TTC8: variants seen among roughly 807,000 people sequenced by gnomAD.
The protein encoded by TTC8 is tetratricopeptide repeat domain 8.
A neutral mutation model predicts 72.5 loss-of-function variants in TTC8; 47 were observed. That is an observed-to-expected ratio of 0.65 (90% CI 0.51 to 0.83). The LOEUF (loss-of-function observed/expected upper bound fraction) is 0.83. Among genes scored for constraint, TTC8 ranks in the 40% least tolerant of loss-of-function variants. TTC8 has a pLI of 0.00. For synonymous variants in TTC8, 199 were observed against 221.4 expected, an observed-to-expected ratio of 0.90 and a Z score of 0.90; for missense variants, 611 against 623.2, an observed-to-expected ratio of 0.98 and a Z score of 0.21.
intron 10 of TTC8, among the ~76,000 whole-genome samples, chr14:88,866,382 A>AACACACACACACACACAC (rs10553603): frequency 6.8e-5 from 10 of 146,576 alleles, no homozygotes; most frequent in African/African-American, 2.5e-4. Context: ...GGGAGATTTA[A>AACACACACACACACACAC]ACACACACAC....
In TTC8 at chr14:88,824,676, G is replaced by A. The variant is rs897112412; in HGVS notation, c.-32G>A. 2 of 1,554,356 alleles carry A rather than the reference G, an allele frequency of 1.3e-6. No homozygotes were observed. Among genetic ancestry groups the A allele is most frequent in the East Asian group, 4.7e-5 (2 of 42,668 alleles). On this transcript the variant is annotated 5_prime_UTR_variant, in exon 1 of 15. Transcript: ENST00000380656. ...ACTCCACGCCCACCTCTCTCCTGGA[G>A]CGCTGGGCCTTCGCTGGCCGCACCG...
chr14:88,827,967 T>C (rs1380078955), intron 1 of TTC8, among the ~76,000 whole-genome samples: 2 of 152,176 alleles, frequency 1.3e-5, no homozygotes, highest in African/African-American at 4.8e-5. Flanking sequence ...ATGTATTTGC[T>C]GAATGAGTGC....
chr14:88,872,195 T>C, intron 12 of TTC8, 135 bp from the exon 13 acceptor site: 1 of 1,311,404 alleles, frequency 7.6e-7, no homozygotes. Context: ...TCCACTTACG[T>C]AGAATTCACA....
chr14:88,861,120 A>T, intron 9 of TTC8, 102 bp from the exon 10 acceptor site: 1 of 915,884 alleles, frequency 1.1e-6, no homozygotes, highest in Non-Finnish European at 1.7e-6. Flanking sequence ...TCTTTAATGT[A>T]ATATCTAGGA....
chr14:88,846,326 C>CA (rs540282584), intron 7 of TTC8, among the ~76,000 whole-genome samples: 7 of 148,336 alleles, frequency 4.7e-5, no homozygotes, highest in East Asian at 2.0e-4. Context: ...AACTCTGTCT[C>CA]AAAAAAAAAG....
chr14:88,875,810 A>G lies in TTC8; in HGVS notation c.1431+701A>G, dbSNP rs541006238. On this transcript the variant is annotated intron_variant, in intron 14 of 14. Transcript: ENST00000380656. ...ACACTGTCATTTCTGTATTGAAAATAAAATAAACTGTCATTCATGAGTTGT... is the reference window on the plus strand; with the variant it reads ...ACACTGTCATTTCTGTATTGAAAATGAAATAAACTGTCATTCATGAGTTGT... Among the ~76,000 whole-genome samples, 14 of 152,324 alleles carry G rather than the reference A, an allele frequency of 9.2e-5. No homozygotes were observed. In the South Asian group the frequency reaches 2.5e-3, roughly 27 times the overall value.
At position 88,870,159 on chromosome 14, in the gene TTC8, T is replaced by A; in HGVS notation, c.1010T>A (p.Phe337Tyr). 6.2e-7 allele frequency: 1 copy of A among 1,614,178 alleles called. No individual in the cohort carries two copies. The highest frequency in any genetic ancestry group is 8.5e-7 in the Non-Finnish European group (1 of 1,179,996). ...ATCGCATGCATTGGAAGCAACCACT[T>A]CTATTCTGATCAGCCAGAAATAGCT... Reference protein sequence around the residue: ...EAIACIGSNHFYSDQPEIALR... With the variant: ...EAIACIGSNHYYSDQPEIALR... Residue 337 changes from phenylalanine to tyrosine, a missense_variant, in exon 11 of 15, where the codon TTC (phenylalanine) becomes TAC (tyrosine). Physicochemically the swap from Phe to Tyr is conservative, Grantham distance 22. Coordinates refer to ENST00000380656, the MANE Select transcript of TTC8 (RefSeq NM_144596.4).
chr14:88,861,997 C>T (rs944090421), intron 10 of TTC8, among the ~76,000 whole-genome samples: 2 of 152,102 alleles, frequency 1.3e-5, no homozygotes, highest in Admixed American at 6.6e-5. Context: ...ATATATTCAG[C>T]AGTGGGATTG....
chr14:88,876,810 C>T (rs1235137707), intron 14 of TTC8, among the ~76,000 whole-genome samples: 1 of 152,082 alleles, frequency 6.6e-6, no homozygotes, highest in South Asian at 2.1e-4. Flanking sequence ...TTAAATACAG[C>T]AGTTTTTGCT....
Position 88,870,171 on chromosome 14 carries a change from A to G in TTC8, c.1022A>G (p.Gln341Arg), listed in dbSNP as rs2094927980. The part of the protein sequence containing the change: ...CIGSNHFYSD[Q>R]PEIALRFYRR... The stretch of plus-strand genomic sequence containing the variant: ...GGAAGCAACCACTTCTATTCTGATC[A>G]GCCAGAAATAGCTCTCCGGTTTTAC... Residue 341 changes from glutamine (Q) to arginine (R), a missense_variant, in exon 11 of 15, where the codon CAG becomes CGG. Transcript: ENST00000380656. The G allele has an allele frequency of 4.3e-6, 7 of 1,614,170 alleles. No homozygotes were observed. Among genetic ancestry groups the G allele is most frequent in the South Asian group, 1.1e-5 (1 of 91,088 alleles).
At chr14:88,874,117 T>TA (rs2094946935) in intron 13 of TTC8, among the ~76,000 whole-genome samples, 1 of 152,222 alleles carries the variant, frequency 6.6e-6, no homozygotes, top group Admixed American at 6.5e-5. Flanking sequence ...CCCATATTGG[T>TA]AATTTTCTTT....
Position 88,870,132 on chromosome 14 carries a change from C to T in TTC8, c.983C>T (p.Ala328Val), listed in dbSNP as rs755533153. Residue 328 changes from alanine (A) to valine (V), a missense_variant, in exon 11 of 15, where the codon GCC becomes GTC. Physicochemically the swap from Ala to Val is moderately conservative, Grantham distance 64. Coordinates refer to ENST00000380656, the MANE Select transcript of TTC8 (RefSeq NM_144596.4). ...VLKQDNTHVEAIACIGSNHFY... is the reference protein window; with the variant it reads ...VLKQDNTHVEVIACIGSNHFY... ...AAACAAGACAATACTCATGTGGAAGCCATCGCATGCATTGGAAGCAACCAC... is the reference window on the plus strand; with the variant it reads ...AAACAAGACAATACTCATGTGGAAGTCATCGCATGCATTGGAAGCAACCAC... 1 of 1,614,004 alleles carries T rather than the reference C, an allele frequency of 6.2e-7. No individual in the cohort carries two copies. Among genetic ancestry groups the T allele is most frequent in the Admixed American group, 1.7e-5 (1 of 60,018 alleles).
intron 10 of TTC8, among the ~76,000 whole-genome samples, chr14:88,869,852 T>C (rs1010082306): frequency 2.6e-5 from 4 of 152,184 alleles, no homozygotes; most frequent in African/African-American, 9.7e-5. Context: ...ACATATTTGT[T>C]TGCCTTTCAT....
At chr14:88,839,660 T>G in intron 3 of TTC8, 88 bp downstream of exon 3, 1 of 1,389,864 alleles carries the variant, frequency 7.2e-7, no homozygotes. Context: ...CCTATATATT[T>G]CTACACTTTA....
At chr14:88,865,520 T>C (rs2094905819) in intron 10 of TTC8, among the ~76,000 whole-genome samples, 1 of 152,106 alleles carries the variant, frequency 6.6e-6, no homozygotes, top group African/African-American at 2.4e-5. Flanking sequence ...AATACAAAAT[T>C]AGCCTGGCTT....
At chr14:88,841,314 T>G (rs949236633) in intron 5 of TTC8, 111 bp from the exon 6 acceptor site, 3 of 1,582,526 alleles carry the variant, frequency 1.9e-6, no homozygotes, top group Admixed American at 1.8e-5. Flanking sequence ...GGAAGATTTT[T>G]GAAGGTGATT....
intron 7 of TTC8, among the ~76,000 whole-genome samples, chr14:88,851,767 G>A (rs951136055): frequency 9.9e-5 from 15 of 151,936 alleles, no homozygotes; most frequent in African/African-American, 3.6e-4. Context: ...AATTTTCATA[G>A]CTTTCAAGTA....
chr14:88,849,727 G>A (rs1400519427), intron 7 of TTC8, among the ~76,000 whole-genome samples: 1 of 152,152 alleles, frequency 6.6e-6, no homozygotes, highest in Non-Finnish European at 1.5e-5. Flanking sequence ...GAAGAATACT[G>A]TAGAGACAGA....
chr14:88,875,481 G>C (rs1013764305), intron 14 of TTC8, among the ~76,000 whole-genome samples: 4 of 152,036 alleles, frequency 2.6e-5, no homozygotes, highest in African/African-American at 9.7e-5. Flanking sequence ...CCAAGTTTCT[G>C]GTACAATTGC....
Sources: allele counts gnomAD v4.1 joint callset (sites outside exome capture counted in the v4.1 genomes callset), GRCh38; gene constraint gnomAD v4.1.1; transcripts MANE v1.5; gene names NCBI Gene and HGNC (gene_info 2026-07-23, HGNC 2026-07-21).